Variants in ZNF841 observed in about 807,000 individuals in gnomAD.
ZNF841 encodes zinc finger protein 841, also known as TCONS_00006091.
In ZNF841, 11 loss-of-function variants were observed where a neutral mutation model predicts 13.0. The observed-to-expected ratio is 0.85, with a 90% CI of 0.53 to 1.40. The LOEUF is 1.40. Among genes scored for constraint, ZNF841 ranks in the 40% most tolerant of loss-of-function variants. The probability of loss-of-function intolerance (pLI) is 0.00; values close to 1 mark genes in which losing one functional copy is unlikely to be tolerated. For synonymous variants in ZNF841, 369 were observed against 381.6 expected, an observed-to-expected ratio of 0.97 and a Z score of 0.38; for missense variants, 1,068 against 1,139.5, an observed-to-expected ratio of 0.94 and a Z score of 0.90.
At chr19:52,094,785 T>C (rs1042691405) in intron 1 of ZNF841, among the ~76,000 whole-genome samples, 1 of 152,098 alleles carries the variant, frequency 6.6e-6, no homozygotes, top group African/African-American at 2.4e-5. Context: ...CCACTGTCTG[T>C]CTGTCTGCAG....
At chr19:52,089,231 T>C (rs1022469960) in intron 2 of ZNF841, among the ~76,000 whole-genome samples, 8 of 152,182 alleles carry the variant, frequency 5.3e-5, no homozygotes, top group African/African-American at 1.4e-4. Context: ...GCTGGAGAGT[T>C]TGATGCCAGC....
chr19:52,080,759 T>A (rs16983429), intron 4 of ZNF841, among the ~76,000 whole-genome samples: 3,061 of 152,086 alleles, frequency 0.02, 90 homozygotes, highest in African/African-American at 0.07. Flanking sequence ...GCAAACATTT[T>A]CAATGAAGAG....
chr19:52,089,984 T>C (rs982601716), intron 2 of ZNF841, among the ~76,000 whole-genome samples: 1 of 152,160 alleles, frequency 6.6e-6, no homozygotes, highest in African/African-American at 2.4e-5. Context: ...GCCTTCAGTA[T>C]GAAGACCACA....
chr19:52,059,390 T>TATATATATATATACACACAC, the ZNF841 span, among the ~76,000 whole-genome samples: 4 of 96,356 alleles, frequency 4.2e-5, no homozygotes, highest in African/African-American at 1.7e-4. Flanking sequence ...TATATATATA[T>TATATATATATATACACACAC]ACACACACAC....
intron 4 of ZNF841, 93 bp downstream of exon 4, chr19:52,084,694 G>A: frequency 7.1e-7 from 1 of 1,411,162 alleles, no homozygotes; most frequent in Non-Finnish European, 9.9e-7. Flanking sequence ...GTGTCAGGCA[G>A]GATACTTCAG....
chr19:52,081,091 A>G (rs1273719739), intron 4 of ZNF841, among the ~76,000 whole-genome samples: 1 of 152,244 alleles, frequency 6.6e-6, no homozygotes, highest in East Asian at 1.9e-4. Flanking sequence ...GATTGGTTCC[A>G]AGATTCCCTA....
chr19:52,084,840 C>G lies in ZNF841; in HGVS notation c.-39G>C, dbSNP rs949652847. 2 of 1,595,444 alleles carry G rather than the reference C, an allele frequency of 1.3e-6. No individual in the cohort carries two copies. Among genetic ancestry groups the G allele is most frequent in the Admixed American group, 1.8e-5 (1 of 55,268 alleles). ...TCTTTCTTCTTTCTCTCCTGGGCCT[C>G]TCTCTCAGTCAATATAATTAATTCT... On this transcript the variant is annotated 5_prime_UTR_variant, in exon 4 of 7. Transcript: ENST00000594440.
Position 52,066,309 on chromosome 19 carries a change from C to A in ZNF841, c.1573G>T (p.Gly525Cys), listed in dbSNP as rs780905692. 1 of 1,612,600 alleles carries A rather than the reference C, an allele frequency of 6.2e-7. No individual in the cohort carries two copies. Among genetic ancestry groups the A allele is most frequent in the African/African-American group, 1.3e-5 (1 of 74,656 alleles). Residue 525 changes from glycine (G) to cysteine (C), a missense_variant, in exon 7 of 7, where the codon GGC becomes TGC. Transcript: ENST00000594440. ...CNECGKAFNW[G>C]SLLTVHQRIH... is the part of the protein sequence containing the mutation. ...CTCTGATGTACAGTTAGTAATGAGC[C>A]CCAATTAAAGGCTTTGCCACATTCA...
intron 2 of ZNF841, among the ~76,000 whole-genome samples, chr19:52,092,878 T>C (rs2088548072): frequency 6.6e-6 from 1 of 152,200 alleles, no homozygotes; most frequent in South Asian, 2.1e-4. Context: ...CCTAACACTT[T>C]GGGAGGCCAA....
chr19:52,093,164 G>A (rs1172655143), intron 2 of ZNF841, among the ~76,000 whole-genome samples: 1 of 152,034 alleles, frequency 6.6e-6, no homozygotes, highest in Non-Finnish European at 1.5e-5. Flanking sequence ...GATCACTACA[G>A]TATTATTCAT....
chr19:52,091,448 AT>A (rs1361861371), intron 2 of ZNF841, among the ~76,000 whole-genome samples: 1 of 152,230 alleles, frequency 6.6e-6, no homozygotes, highest in African/African-American at 2.4e-5. Context: ...AAACTATATT[AT>A]AAAGGTACAG....
At chr19:52,077,738 G>C (rs999608698) in intron 4 of ZNF841, among the ~76,000 whole-genome samples, 4 of 152,170 alleles carry the variant, frequency 2.6e-5, no homozygotes, top group African/African-American at 9.7e-5. Context: ...ATATTACAGA[G>C]TATGTCCTAG....
intron 2 of ZNF841, among the ~76,000 whole-genome samples, chr19:52,091,909 G>A (rs988506351): frequency 6.6e-6 from 1 of 152,118 alleles, no homozygotes; most frequent in Non-Finnish European, 1.5e-5. Context: ...CAGCACTTTG[G>A]GACGCCAAGA....
In ZNF841 at chr19:52,081,764, G is replaced by C. The variant is rs536148297; in HGVS notation, c.15+3023C>G. On this transcript the variant is annotated intron_variant, in intron 4 of 6. Coordinates refer to ENST00000594440, the MANE Select transcript of ZNF841 (RefSeq NM_001136499.2). ...AGCTACTCAGGAGGCTGAAGTGGGA[G>C]GTTCATTTGAACCCGGGAGGCAGAG... Among the ~76,000 whole-genome samples the C allele has an allele frequency of 5.9e-5, 9 of 152,332 alleles. No individual in the cohort carries two copies. In the South Asian group the frequency reaches 1.9e-3, roughly 32 times the overall value.
At chr19:52,059,816 G>GACTA (rs1384710668), downstream of ZNF841, among the ~76,000 whole-genome samples, 1 of 152,156 alleles carries the variant, frequency 6.6e-6, no homozygotes, top group African/African-American at 2.4e-5. Flanking sequence ...AAGGACCAGA[G>GACTA]ACTACTCCCT....
chr19:52,067,478 C>T lies in ZNF841; in HGVS notation c.404G>A (p.Arg135Gln), dbSNP rs757068873. The T allele has an allele frequency of 2.0e-5, 31 of 1,561,584 alleles. No homozygotes were observed. The highest frequency in any genetic ancestry group is 1.3e-4 in the Admixed American group (7 of 51,912). The change falls in exon 7 of 7, where the codon CGG becomes CAG. Residue 135 changes from arginine to glutamine, a missense_variant. Transcript: ENST00000594440. Reference protein sequence around the residue: ...DTENFYFREIRKNLQEVDFQW... With the variant: ...DTENFYFREIQKNLQEVDFQW... ...AAAGTCAACTTCCTGTAGATTTTTC[C>T]GGATTTCCCTGAAGTAAAAATTTTC... is the stretch of plus-strand genomic sequence containing the variant.
chr19:52,068,410 C>T (rs2087647160), intron 6 of ZNF841, among the ~76,000 whole-genome samples: 1 of 152,062 alleles, frequency 6.6e-6, no homozygotes, highest in African/African-American at 2.4e-5. Context: ...GGCACGGTGG[C>T]TCAAGCCTGT....
downstream of ZNF841, among the ~76,000 whole-genome samples, chr19:52,062,236 TTTGAGAATC>T (rs2087415174): frequency 6.6e-6 from 1 of 152,096 alleles, no homozygotes; most frequent in Non-Finnish European, 1.5e-5. Flanking sequence ...ACAAAGATGA[TTTGAGAATC>T]TTGTCTGTAT....
chr19:52,083,815 T>A (rs2088178740), intron 4 of ZNF841, among the ~76,000 whole-genome samples: 1 of 139,338 alleles, frequency 7.2e-6, no homozygotes, highest in Non-Finnish European at 1.5e-5. Context: ...ATCTCATAGT[T>A]ACCTTTTTTT....
Sources: gnomAD v4.1 joint callset for allele counts (sites outside exome capture counted in the v4.1 genomes callset) on GRCh38, gnomAD v4.1.1 for gene constraint, MANE v1.5 for transcripts, NCBI Gene and HGNC (gene_info 2026-07-23, HGNC 2026-07-21) for gene names.